TBXA2R: variants seen among roughly 807,000 people sequenced by gnomAD.
TBXA2R encodes the protein thromboxane A2 receptor, also known as prostanoid TP receptor.
Under a neutral mutation model 15.6 loss-of-function variants are expected in TBXA2R, and 15 were observed. The ratio of observed to expected loss-of-function variants is 0.96; its 90% CI spans 0.64 to 1.48. TBXA2R has a LOEUF of 1.48. Ranked by LOEUF, TBXA2R falls within the 40% of genes most tolerant of loss-of-function variation. The pLI is 0.00. For missense variants in TBXA2R, 506 were observed against 491.4 expected, an observed-to-expected ratio of 1.03 and a Z score of -0.28; for synonymous variants, 280 against 241.2, an observed-to-expected ratio of 1.16 and a Z score of -1.49.
chr19:3,596,682 C>T (rs1315744754), intron 2 of TBXA2R, among the ~76,000 whole-genome samples: 6 of 148,036 alleles, frequency 4.1e-5, no homozygotes, highest in South Asian at 2.2e-4. Flanking sequence ...CCTGGGTTTA[C>T]GCCATTCTCC....
chr19:3,605,895 CGACA>C (rs2032824550), intron 1 of TBXA2R, among the ~76,000 whole-genome samples: 1 of 145,312 alleles, frequency 6.9e-6, no homozygotes, highest in South Asian at 2.1e-4. Flanking sequence ...GGCAGAAACA[CGACA>C]GACATAGACA....
intron 2 of TBXA2R, among the ~76,000 whole-genome samples, chr19:3,597,306 A>G (rs1383151239): frequency 6.6e-6 from 1 of 150,756 alleles, no homozygotes; most frequent in Non-Finnish European, 1.5e-5. Context: ...TTAGTATATA[A>G]TATATAATAA....
intron 1 of TBXA2R, among the ~76,000 whole-genome samples, chr19:3,602,411 G>A (rs935971347): frequency 2.6e-5 from 4 of 151,894 alleles, no homozygotes; most frequent in Admixed American, 1.3e-4. Flanking sequence ...GACTGTGTGC[G>A]AGATGGAGGT....
chr19:3,596,070 C>T, intron 2 of TBXA2R, 137 bp from the exon 3 acceptor site: 1 of 1,174,254 alleles, frequency 8.5e-7, no homozygotes, highest in Non-Finnish European at 1.2e-6. Flanking sequence ...ACTCTGTCGT[C>T]CAGGCTGGAG....
rs771248487 is a variant in TBXA2R, at chr19:3,599,812, CAGG to C, written c.786+34_786+36del. ...CACCCTGGGTGACCAGAGGTCCAGT[CAGG>C]AGGGTAGCAGGACCCCGCAGAGCCC... On this transcript the variant is annotated intron_variant, in intron 2 of 2. Transcript: ENST00000375190. 261 of 1,548,554 alleles carry C rather than the reference CAGG, an allele frequency of 1.7e-4. 1 individual carries two copies. In the South Asian group the frequency reaches 1.7e-3, roughly 10 times the overall value.
At chr19:3,596,839 C>T (rs949539025) in intron 2 of TBXA2R, among the ~76,000 whole-genome samples, 1 of 151,648 alleles carries the variant, frequency 6.6e-6, no homozygotes, top group South Asian at 2.1e-4. Context: ...CCTCGGCCTC[C>T]CAAAGTGCTG....
chr19:3,600,356 G>T lies in TBXA2R; in HGVS notation c.279C>A (p.Phe93Leu). The T allele has an allele frequency of 1.2e-6, 2 of 1,613,338 alleles. No individual in the cohort carries two copies. The highest frequency in any genetic ancestry group is 1.7e-6 in the Non-Finnish European group (2 of 1,179,830). ...AGCCAGGGTCCACGGCGTGCCACTCGAAGAGCGCGGCGTGCTGGGACACCA... is the reference window on the plus strand; with the variant it reads ...AGCCAGGGTCCACGGCGTGCCACTCTAAGAGCGCGGCGTGCTGGGACACCA... ...TIVVSQHAAL[F>L]EWHAVDPGCR... is the part of the protein sequence containing the mutation. Residue 93 changes from phenylalanine to leucine, a missense_variant, in exon 2 of 3, where the codon TTC (phenylalanine) becomes TTA (leucine). Physicochemically the swap from Phe to Leu is conservative, Grantham distance 22 (BLOSUM62 0). Transcript: ENST00000375190.
Position 3,595,041 on chromosome 19 carries a change from C to G in TBXA2R, c.*647G>C. On this transcript the variant is annotated 3_prime_UTR_variant, in exon 3 of 3. Coordinates refer to ENST00000375190, the MANE Select transcript of TBXA2R (RefSeq NM_001060.6). ...GTTGCAGTGAGCCGAGATCGTGCCACTGTACTCCAGGCTGGGCCACAGAGT... is the reference window on the plus strand; with the variant it reads ...GTTGCAGTGAGCCGAGATCGTGCCAGTGTACTCCAGGCTGGGCCACAGAGT... The G allele has an allele frequency of 9.7e-7, 1 of 1,034,528 alleles. No individual in the cohort carries two copies. Among genetic ancestry groups the G allele is most frequent in the Non-Finnish European group, 1.4e-6 (1 of 708,794 alleles). The allele number at this position is 1,034,528 out of a possible 1,614,324, so 64.1% of individuals were successfully genotyped here. A position where few individuals can be genotyped will look rare whatever the true frequency, so the allele number is the denominator to read the frequency against.
chr19:3,606,014 C>A (rs947877935), intron 1 of TBXA2R, among the ~76,000 whole-genome samples: 3 of 152,106 alleles, frequency 2.0e-5, no homozygotes, highest in African/African-American at 7.2e-5. Flanking sequence ...TACAGACAGA[C>A]ACAGAAAGAC....
chr19:3,600,427 G>C lies in TBXA2R; in HGVS notation c.208C>G (p.Leu70Val), dbSNP rs1184450191. The C allele has an allele frequency of 6.2e-7, 1 of 1,613,332 alleles. No individual in the cohort carries two copies. Among genetic ancestry groups the C allele is most frequent in the South Asian group, 1.1e-5 (1 of 91,082 alleles). The change falls in exon 2 of 3, where the codon CTC becomes GTC. Residue 70 changes from leucine to valine, a missense_variant. Coordinates refer to ENST00000375190, the MANE Select transcript of TBXA2R (RefSeq NM_001060.6). ...AGCCCCAGGAAGTCGGTGAGGACGA[G>C]GCCGCAGAGGAAGGTGAGGAAGGAG... The part of the protein sequence containing the change: ...RSSFLTFLCG[L>V]VLTDFLGLLV...
At chr19:3,602,896 C>T (rs979812777) in intron 1 of TBXA2R, among the ~76,000 whole-genome samples, 1 of 151,074 alleles carries the variant, frequency 6.6e-6, no homozygotes, top group Non-Finnish European at 1.5e-5. Context: ...ATTAGCCAGG[C>T]GTGGTGGCGG....
intron 2 of TBXA2R, among the ~76,000 whole-genome samples, chr19:3,598,347 T>TTC (rs1275123473): frequency 2.9e-5 from 3 of 104,456 alleles, no homozygotes; most frequent in Admixed American, 8.9e-5. Flanking sequence ...TTTCTTTTCT[T>TTC]TTCTTTTTTT....
At chr19:3,600,833 T>TTG in intron 1 of TBXA2R, 116 bp from the exon 2 acceptor site, 2 of 612,272 alleles carry the variant, frequency 3.3e-6, no homozygotes, top group South Asian at 2.0e-5. Context: ...CCGGTTTTTT[T>TTG]TTTTTTTTTT....
Position 3,600,477 on chromosome 19 carries a change from C to G in TBXA2R, c.158G>C (p.Arg53Pro), listed in dbSNP as rs2032711979. The G allele has an allele frequency of 1.2e-6, 2 of 1,612,378 alleles. No homozygotes were observed. The highest frequency in any genetic ancestry group is 1.1e-5 in the South Asian group (1 of 91,034). ...LLALSVLAGA[R>P]QGGSHTRSSF... Reference sequence around the variant, plus strand: ...GGAGCGCGTGTGCGAACCCCCCTGCCGCGCGCCCGCCAGCACGCTCAGGGC... The same window carrying G: ...GGAGCGCGTGTGCGAACCCCCCTGCGGCGCGCCCGCCAGCACGCTCAGGGC... The change falls in exon 2 of 3, where the codon CGG becomes CCG. Residue 53 changes from arginine to proline, a missense_variant. Physicochemically the swap from Arg to Pro is moderately radical, Grantham distance 103. Transcript: ENST00000375190.
At chr19:3,602,833 G>A (rs1221885150) in intron 1 of TBXA2R, among the ~76,000 whole-genome samples, 2 of 151,640 alleles carry the variant, frequency 1.3e-5, no homozygotes, top group South Asian at 4.2e-4. Context: ...TCAGGAGATC[G>A]AGACCATCCT....
chr19:3,595,341 T>G lies in TBXA2R; in HGVS notation c.*347A>C. ...TTGCAGTGAGCTGAGATTGCGCCAC[T>G]GCACTCCAGCCTGGGGGACAGAGCA... is the stretch of plus-strand genomic sequence containing the variant. On this transcript the variant is annotated 3_prime_UTR_variant, in exon 3 of 3. Transcript: ENST00000375190. 1 of 1,355,512 alleles carries G rather than the reference T, an allele frequency of 7.4e-7. No individual in the cohort carries two copies. The allele number at this position is 1,355,512 out of a possible 1,614,324, so 84.0% of individuals were successfully genotyped here. A position where few individuals can be genotyped will look rare whatever the true frequency, so the allele number is the denominator to read the frequency against.
At chr19:3,598,153 G>A (rs1310884856) in intron 2 of TBXA2R, 1 of 152,140 alleles carries the variant, frequency 6.6e-6, no homozygotes, top group African/African-American at 2.4e-5. Context: ...TGCCTGACCT[G>A]GCCTAGGGAA....
In TBXA2R at chr19:3,600,408, A is replaced by T; in HGVS notation, c.227T>A (p.Leu76Gln). The part of the protein sequence containing the change: ...FLCGLVLTDF[L>Q]GLLVTGTIVV... Reference sequence around the variant, plus strand: ...GATGGTACCGGTCACCAGCAGCCCCAGGAAGTCGGTGAGGACGAGGCCGCA... The same window carrying T: ...GATGGTACCGGTCACCAGCAGCCCCTGGAAGTCGGTGAGGACGAGGCCGCA... Residue 76 changes from leucine (L) to glutamine (Q), a missense_variant, in exon 2 of 3, where the codon CTG (leucine) becomes CAG (glutamine). Physicochemically the swap from Leu to Gln is moderately radical, Grantham distance 113 (BLOSUM62 -2). Transcript: ENST00000375190. 4 of 1,613,378 alleles carry T rather than the reference A, an allele frequency of 2.5e-6. No homozygotes were observed. Among genetic ancestry groups the T allele is most frequent in the Non-Finnish European group, 2.5e-6 (3 of 1,179,730 alleles).
At chr19:3,599,768 CA>C in intron 2 of TBXA2R, 80 bp downstream of exon 2, 1 of 1,542,598 alleles carries the variant, frequency 6.5e-7, no homozygotes. Context: ...CGCCCGGTCC[CA>C]CCATCAGGAT....
Sources: gnomAD v4.1 joint callset for allele counts (sites outside exome capture counted in the v4.1 genomes callset) on GRCh38, gnomAD v4.1.1 for gene constraint, MANE v1.5 for transcripts, NCBI Gene and HGNC (gene_info 2026-07-23, HGNC 2026-07-21) for gene names.